Variants in LRRIQ1 observed in about 807,000 individuals in gnomAD.
LRRIQ1 encodes the protein leucine rich repeats and IQ motif containing 1.
Under a neutral mutation model 211.9 loss-of-function variants are expected in LRRIQ1, and 210 were observed. The observed-to-expected ratio is 0.99, with a 90% confidence interval of 0.89 to 1.11. The LOEUF (loss-of-function observed/expected upper bound fraction) is 1.11, where lower values mean the gene tolerates loss of function less well. Among genes scored for constraint, LRRIQ1 ranks in the 50% most tolerant of loss-of-function variants. The probability of loss-of-function intolerance (pLI) is 0.00; values close to 1 mark genes in which losing one functional copy is unlikely to be tolerated. For synonymous variants in LRRIQ1, 699 were observed against 650.1 expected (o/e 1.08, Z -1.14); for missense variants, 2,136 against 1,939.5 (o/e 1.10, Z -1.90).
rs2136143548 is a variant in LRRIQ1 at position 85,078,204 on chromosome 12, C to A, written c.2887+5106C>A. ...TCTCTGAAGCCTTATTTGGTCACCA[C>A]AAATTTATAGTTTTAAACTCCTTGT... On this transcript the variant is annotated intron_variant, in intron 11 of 26. Coordinates refer to ENST00000393217, the MANE Select transcript of LRRIQ1 (RefSeq NM_001079910.2). Among the ~76,000 whole-genome samples the A allele has an allele frequency of 2.0e-5, 3 of 152,188 alleles. No homozygotes were observed. The South Asian group carries it at 6.2e-4, about 32-fold the overall frequency.
At chr12:85,200,994 T>C (rs1421755863) in intron 24 of LRRIQ1, among the ~76,000 whole-genome samples, 1 of 100,584 alleles carries the variant, frequency 9.9e-6, no homozygotes, top group East Asian at 3.1e-4. Flanking sequence ...TAATTTTTCT[T>C]TTTTTTTTGT....
At position 85,231,296 on chromosome 12, in the gene LRRIQ1, A is replaced by T. The variant is rs187861976; in HGVS notation, c.4956-1400A>T. ...TTTAATTCATTTAAAAATGTGAAAA[A>T]TCATATGGAAATGAAAATAAAACTT... is the stretch of plus-strand genomic sequence containing the variant. On this transcript the variant is annotated intron_variant, in intron 25 of 26. Transcript: ENST00000393217. 2.6e-4 allele frequency among the ~76,000 whole-genome samples: 40 copies of T among 152,292 alleles called. No homozygotes were observed. In the East Asian group the frequency reaches 5.8e-3, roughly 22 times the overall value.
chr12:85,072,770 A>G (rs1883228829), intron 10 of LRRIQ1, 137 bp from the exon 11 acceptor site: 1 of 449,890 alleles, frequency 2.2e-6, no homozygotes, highest in South Asian at 8.9e-5. Flanking sequence ...TCAAGTTTAG[A>G]CATTTATTTT....
rs187825449 is a variant in LRRIQ1 at position 85,123,031 on chromosome 12, A to G, written c.3558-1039A>G. 7.4e-4 allele frequency among the ~76,000 whole-genome samples: 113 copies of G among 152,164 alleles called. 1 individual carries two copies. The highest frequency in any genetic ancestry group is 2.4e-3 in the Admixed American group (37 of 15,288). ...ATATGTAAAATAGACTATATTTTAT[A>G]TGTTGAATGCATAAGTGGTGGTGAG... On this transcript the variant is annotated intron_variant, in intron 16 of 26. Transcript: ENST00000393217.
At chr12:85,203,354 G>A (rs1286704249) in intron 24 of LRRIQ1, among the ~76,000 whole-genome samples, 2 of 152,084 alleles carry the variant, frequency 1.3e-5, no homozygotes, top group Admixed American at 1.3e-4. Flanking sequence ...GTGTGAAAAT[G>A]GACTAATACA....
At chr12:85,232,349 G>A (rs956329280) in intron 25 of LRRIQ1, among the ~76,000 whole-genome samples, 3 of 151,926 alleles carry the variant, frequency 2.0e-5, no homozygotes, top group African/African-American at 7.2e-5. Context: ...TTGAAAAGAC[G>A]ACTAAAACAT....
rs768707593 is a variant in LRRIQ1, at chr12:85,098,500, T to C, written c.3033T>C (p.Asn1011=). ...TTACTGATGTAGAGGGCGTTGAAAA[T>C]TGTGGATTGCTCCAAATATTGAAGT... is the stretch of plus-strand genomic sequence containing the variant. ...NHLTDVEGVE[N]CGLLQILKLQ... The change falls in exon 12 of 27, where the codon AAT becomes AAC. Residue 1011 remains asparagine (N), a synonymous_variant. Transcript: ENST00000393217. 6.3e-5 allele frequency: 102 copies of C among 1,611,268 alleles called. No individual in the cohort carries two copies. Among genetic ancestry groups the C allele is most frequent in the Admixed American group, 4.4e-4 (26 of 59,650 alleles).
chr12:85,059,538 A>G (rs750412570), intron 8 of LRRIQ1, among the ~76,000 whole-genome samples: 3 of 152,000 alleles, frequency 2.0e-5, no homozygotes, highest in East Asian at 1.9e-4. Flanking sequence ...TTGGGAAAAG[A>G]TCAAAATTCA....
chr12:85,192,234 A>G (rs982128895), intron 24 of LRRIQ1, among the ~76,000 whole-genome samples: 1 of 150,624 alleles, frequency 6.6e-6, no homozygotes, highest in Non-Finnish European at 1.5e-5. Context: ...TATAGCTGCC[A>G]CTTATACATG....
intron 1 of LRRIQ1, among the ~76,000 whole-genome samples, chr12:85,251,847 T>C (rs920503560): frequency 3.3e-5 from 5 of 150,380 alleles, no homozygotes; most frequent in Admixed American, 1.3e-4. Flanking sequence ...ATTCTGCAAC[T>C]AGAACAATAC....
chr12:85,124,154 A>G lies in LRRIQ1; in HGVS notation c.3642A>G (p.Ala1214=). 6.2e-7 allele frequency: 1 copy of G among 1,614,094 alleles called. No individual in the cohort carries two copies. The highest frequency in any genetic ancestry group is 8.5e-7 in the Non-Finnish European group (1 of 1,179,986). ...LMILSTEYRH[A]HERGDVTITK... ...TACTTAGTACTGAATACCGACATGCACACGAACGAGGGGATGTAACTATCA... is the reference window on the plus strand; with the variant it reads ...TACTTAGTACTGAATACCGACATGCGCACGAACGAGGGGATGTAACTATCA... Residue 1214 remains alanine (A), a synonymous_variant, in exon 17 of 27, where the codon GCA becomes GCG. Transcript: ENST00000393217.
intron 24 of LRRIQ1, among the ~76,000 whole-genome samples, chr12:85,196,196 A>G (rs1381178738): frequency 6.6e-6 from 1 of 152,174 alleles, no homozygotes; most frequent in East Asian, 1.9e-4. Context: ...CAAATGGAAG[A>G]ACATACCATG....
chr12:85,135,083 TAATC>T (rs1463836154), intron 18 of LRRIQ1, among the ~76,000 whole-genome samples: 1 of 152,054 alleles, frequency 6.6e-6, no homozygotes, highest in Admixed American at 6.6e-5. Context: ...AGATTTTTCT[TAATC>T]AAAATAAAAG....
At chr12:85,163,558 A>C in intron 24 of LRRIQ1, among the ~76,000 whole-genome samples, 1 of 152,124 alleles carries the variant, frequency 6.6e-6, no homozygotes, top group East Asian at 1.9e-4. Flanking sequence ...AAATTTAAAA[A>C]AAAATTACTT....
intron 1 of LRRIQ1, among the ~76,000 whole-genome samples, chr12:85,250,910 A>AT (rs1769185082): frequency 1.3e-5 from 1 of 78,226 alleles, no homozygotes; most frequent in South Asian, 2.8e-4. Context: ...TATTATATAT[A>AT]ATATATTTTA....
chr12:85,051,562 A>G (rs1176872590), intron 6 of LRRIQ1, among the ~76,000 whole-genome samples: 1 of 152,234 alleles, frequency 6.6e-6, no homozygotes, highest in Non-Finnish European at 1.5e-5. Context: ...AGTCTTTTGC[A>G]TAAAACCTTT....
At chr12:85,088,543 G>T (rs562682422) in intron 11 of LRRIQ1, among the ~76,000 whole-genome samples, 2 of 152,102 alleles carry the variant, frequency 1.3e-5, no homozygotes, top group Non-Finnish European at 2.9e-5. Flanking sequence ...GGGCAGTATG[G>T]CCATTTTCAT....
chr12:85,198,712 C>G (rs944524113), intron 24 of LRRIQ1, among the ~76,000 whole-genome samples: 1 of 151,920 alleles, frequency 6.6e-6, no homozygotes, highest in Non-Finnish European at 1.5e-5. Context: ...GGACTACAGG[C>G]GCCTGCCTCC....
chr12:85,073,498 A>G (rs1883316037), intron 11 of LRRIQ1, among the ~76,000 whole-genome samples: 1 of 152,220 alleles, frequency 6.6e-6, no homozygotes, highest in East Asian at 1.9e-4. Context: ...AACTTTAAAA[A>G]GAAAAGAAAG....
Sources: allele counts gnomAD v4.1 joint callset (sites outside exome capture counted in the v4.1 genomes callset), GRCh38; gene constraint gnomAD v4.1.1; transcripts MANE v1.5; gene names NCBI Gene and HGNC (gene_info 2026-07-23, HGNC 2026-07-21).